The following CASTOR2 variants were observed in gnomAD, a reference collection of about 807,000 sequenced individuals.
CASTOR2 encodes the protein cytosolic arginine sensor for mTORC1 subunit 2, also known as GATS protein like 2.
CASTOR2 carries 8 observed loss-of-function variants against 31.2 expected under a neutral mutation model. The ratio of observed to expected loss-of-function variants is 0.26; its 90% CI spans 0.15 to 0.46. The LOEUF (loss-of-function observed/expected upper bound fraction) is 0.46, where lower values mean the gene tolerates loss of function less well. Ranked by LOEUF, CASTOR2 falls within the 20% of genes least tolerant of loss-of-function variation. CASTOR2 has a pLI of 0.99. For missense variants in CASTOR2, 216 were observed against 382.1 expected (o/e 0.57, Z 3.62); for synonymous variants, 162 against 158.7 (o/e 1.02, Z -0.16).
intron 1 of CASTOR2, among the ~76,000 whole-genome samples, chr7:75,005,251 T>C (rs1452252440): frequency 6.6e-6 from 1 of 152,196 alleles, no homozygotes; most frequent in African/African-American, 2.4e-5. Context: ...TGCCCCTCTC[T>C]AGTCAGTGTC....
In CASTOR2 at chr7:75,020,120, C is replaced by T. The variant is rs1305097814; in HGVS notation, c.717C>T (p.Ser239=). 12 of 1,551,428 alleles carry T rather than the reference C, an allele frequency of 7.7e-6. No individual in the cohort carries two copies. Among genetic ancestry groups the T allele is most frequent in the East Asian group, 2.4e-5 (1 of 40,940 alleles). The change falls in exon 6 of 9, where the codon TCC becomes TCT. Residue 239 remains serine, a synonymous_variant. Transcript: ENST00000616305. ...FSFSLIEGYI[S]LVMDVQTQQR... Reference sequence around the variant, plus strand: ...TCTCCCTCATCGAGGGCTACATCTCCCTGGTGATGGACGTGCAGACGCAGC... The same window carrying T: ...TCTCCCTCATCGAGGGCTACATCTCTCTGGTGATGGACGTGCAGACGCAGC...
At position 74,975,108 on chromosome 7, in the gene CASTOR2, A is replaced by G. The variant is rs587647015; in HGVS notation, c.113+10010A>G. Among the ~76,000 whole-genome samples, 143 of 151,248 alleles carry G rather than the reference A, an allele frequency of 9.5e-4. 6 individuals are homozygous for G. Among genetic ancestry groups the G allele is most frequent in the African/African-American group, 3.4e-3 (142 of 41,204 alleles). On this transcript the variant is annotated intron_variant, in intron 1 of 8. Transcript: ENST00000616305. Reference sequence around the variant, plus strand: ...CTCAGCCTCCTGAGTAGCTGGGGTTACAAGTACCACCACCATGCTCAGCTA... The same window carrying G: ...CTCAGCCTCCTGAGTAGCTGGGGTTGCAAGTACCACCACCATGCTCAGCTA...
At position 75,026,189 on chromosome 7, in the gene CASTOR2, G is replaced by GGTTTT. The variant is rs1554440884; in HGVS notation, c.*1490_*1491insGTTTT. 8.5e-6 allele frequency among the ~76,000 whole-genome samples: 1 copy of GGTTTT among 117,742 alleles called. No individual in the cohort carries two copies. The highest frequency in any genetic ancestry group is 1.8e-5 in the Non-Finnish European group (1 of 56,722). 77.2% of individuals were successfully genotyped at this position (117,742 alleles called of 152,430 possible). On this transcript the variant is annotated 3_prime_UTR_variant, in exon 9 of 9. Transcript: ENST00000616305. Reference sequence around the variant, plus strand: ...CCCTGTGGTTTTGGCTCTGGCGGGGGTTTTTTTTTTTTTTTTTGAGATGGG... The same window carrying GGTTTT: ...CCCTGTGGTTTTGGCTCTGGCGGGGGGTTTTTTTTTTTTTTTTTTTTTGAGATGGG...
chr7:74,999,531 TC>T (rs1159342960), intron 1 of CASTOR2, among the ~76,000 whole-genome samples: 14,495 of 122,518 alleles, frequency 0.12, 883 homozygotes, highest in Middle Eastern at 0.36. Flanking sequence ...GCACTCACCC[TC>T]CCCCTGATTT....
intron 1 of CASTOR2, among the ~76,000 whole-genome samples, chr7:74,967,190 C>CG (rs1366677918): frequency 1.1e-5 from 1 of 89,922 alleles, no homozygotes; most frequent in Non-Finnish European, 2.6e-5. Context: ...CCACAGCCCC[C>CG]TGCCTGCCTG....
intron 1 of CASTOR2, among the ~76,000 whole-genome samples, chr7:74,972,673 T>G: frequency 6.6e-6 from 1 of 150,840 alleles, no homozygotes; most frequent in East Asian, 2.0e-4. Context: ...AGTCTTTTGT[T>G]TTTTTTGTTT....
intron 2 of CASTOR2, among the ~76,000 whole-genome samples, chr7:75,011,705 A>G (rs1804749888): frequency 7.2e-6 from 1 of 138,848 alleles, no homozygotes; most frequent in Non-Finnish European, 1.5e-5. Flanking sequence ...ACTGCACTCC[A>G]GCCTGGGCAA....
chr7:75,009,663 G>A (rs1431019537), intron 2 of CASTOR2, among the ~76,000 whole-genome samples: 6 of 151,568 alleles, frequency 4.0e-5, no homozygotes, highest in African/African-American at 1.5e-4. Flanking sequence ...GCACTTTCCA[G>A]GCAGAGAGAA....
At chr7:75,009,253 G>C (rs1804674851) in intron 2 of CASTOR2, among the ~76,000 whole-genome samples, 1 of 134,404 alleles carries the variant, frequency 7.4e-6, no homozygotes, top group Non-Finnish European at 1.6e-5. Flanking sequence ...ACCTTGCCTG[G>C]CCTGAGAACT....
intron 1 of CASTOR2, among the ~76,000 whole-genome samples, chr7:74,999,040 G>T (rs1804425930): frequency 6.6e-6 from 1 of 151,804 alleles, no homozygotes; most frequent in Non-Finnish European, 1.5e-5. Context: ...CTGTTGCCCA[G>T]GCTGGGGTGC....
intron 1 of CASTOR2, among the ~76,000 whole-genome samples, chr7:74,997,743 T>G (rs1334783210): frequency 4.9e-4 from 75 of 152,098 alleles, no homozygotes; most frequent in African/African-American, 1.8e-3. Flanking sequence ...TTTTGTTTTT[T>G]TTTTTTAATC....
chr7:75,025,228 C>T lies in CASTOR2; in HGVS notation c.*529C>T, dbSNP rs1160278347. ...GGAGTGGAGGCCAGCGTGGCCCCCT[C>T]AGGTCATCGGGGCTGGTGAGGCTCA... On this transcript the variant is annotated 3_prime_UTR_variant, in exon 9 of 9. Transcript: ENST00000616305. Among the ~76,000 whole-genome samples the T allele has an allele frequency of 5.9e-5, 9 of 152,222 alleles. No homozygotes were observed. The highest frequency in any genetic ancestry group is 8.8e-5 in the Non-Finnish European group (6 of 68,022).
chr7:74,979,323 A>G (rs1803897932), intron 1 of CASTOR2, among the ~76,000 whole-genome samples: 1 of 145,816 alleles, frequency 6.9e-6, no homozygotes, highest in African/African-American at 2.6e-5. Flanking sequence ...CCCGATAAGT[A>G]ATTTTTTTAA....
chr7:75,029,536 G>GT lies in CASTOR2; in HGVS notation c.*4840dup. Among the ~76,000 whole-genome samples the GT allele has an allele frequency of 6.6e-6, 1 of 151,990 alleles. No homozygotes were observed. Among genetic ancestry groups the GT allele is most frequent in the Non-Finnish European group, 1.5e-5 (1 of 67,992 alleles). On this transcript the variant is annotated 3_prime_UTR_variant, in exon 9 of 9. Transcript: ENST00000616305. ...TTTTTGTATTTTTAGTAGAGACAGG[G>GT]TTTCACTATGTTGGCCAGGCTGTTC...
chr7:75,013,625 A>G (rs1483375008), intron 2 of CASTOR2, among the ~76,000 whole-genome samples: 1 of 152,098 alleles, frequency 6.6e-6, no homozygotes, highest in East Asian at 1.9e-4. Context: ...CCTGGGTGAT[A>G]GAGCAACACC....
At chr7:74,983,443 A>T (rs1409567763) in intron 1 of CASTOR2, among the ~76,000 whole-genome samples, 2 of 145,854 alleles carry the variant, frequency 1.4e-5, no homozygotes, top group African/African-American at 2.6e-5. Context: ...AGTCCAAATT[A>T]GCCTGGTTTA....
intron 2 of CASTOR2, among the ~76,000 whole-genome samples, chr7:75,016,837 C>A (rs1804873835): frequency 1.3e-5 from 2 of 152,344 alleles, no homozygotes; most frequent in African/African-American, 4.8e-5. Context: ...CCTTCCCTGC[C>A]CAGTCCTCCC....
chr7:75,009,983 G>A (rs1472389816), intron 2 of CASTOR2, among the ~76,000 whole-genome samples: 1 of 150,332 alleles, frequency 6.7e-6, no homozygotes, highest in African/African-American at 2.5e-5. Context: ...GTGCATAGCA[G>A]CCTTAGACTC....
chr7:74,976,240 C>T (rs1803805197), intron 1 of CASTOR2, among the ~76,000 whole-genome samples: 1 of 125,984 alleles, frequency 7.9e-6, no homozygotes, highest in South Asian at 3.0e-4. Context: ...TAAATAATTA[C>T]TAGATTGGCC....
Sources: allele counts gnomAD v4.1 joint callset (sites outside exome capture counted in the v4.1 genomes callset), GRCh38; gene constraint gnomAD v4.1.1; transcripts MANE v1.5; gene names NCBI Gene and HGNC (gene_info 2026-07-23, HGNC 2026-07-21).